Variants in CACNA2D3 observed in about 807,000 individuals in gnomAD.
CACNA2D3 encodes the protein calcium voltage-gated channel auxiliary subunit alpha2delta 3.
Under a neutral mutation model 160.6 loss-of-function variants are expected in CACNA2D3, and 60 were observed. That is an observed-to-expected ratio of 0.37 (90% CI 0.30 to 0.46). The LOEUF is 0.46. Among genes scored for constraint, CACNA2D3 ranks in the 20% least tolerant of loss-of-function variants. The pLI, the probability that CACNA2D3 is intolerant of heterozygous loss-of-function variation, is 1.00. For synonymous variants in CACNA2D3, 558 were observed against 492.9 expected (o/e 1.13, Z -1.75); for missense variants, 1,205 against 1,365.0 (o/e 0.88, Z 1.85).
intron 2 of CACNA2D3, among the ~76,000 whole-genome samples, chr3:54,271,231 T>C (rs1350452430): frequency 6.6e-6 from 1 of 152,132 alleles, no homozygotes; most frequent in African/African-American, 2.4e-5. Flanking sequence ...ATACTGTTTT[T>C]CTTTTCTTTT....
At chr3:55,006,117 C>T (rs755262826) in intron 32 of CACNA2D3, among the ~76,000 whole-genome samples, 1 of 152,220 alleles carries the variant, frequency 6.6e-6, no homozygotes, top group Non-Finnish European at 1.5e-5. Context: ...ACTCCCCTAA[C>T]CTTAGCATGA....
chr3:54,554,991 C>T (rs1702221252), intron 5 of CACNA2D3, among the ~76,000 whole-genome samples: 1 of 148,308 alleles, frequency 6.7e-6, no homozygotes, highest in South Asian at 2.2e-4. Context: ...CCTTTCACCT[C>T]GGCTTCTTGA....
chr3:54,713,491 A>C (rs1425529787), intron 11 of CACNA2D3, among the ~76,000 whole-genome samples: 1 of 152,230 alleles, frequency 6.6e-6, no homozygotes, highest in African/African-American at 2.4e-5. Flanking sequence ...CCTGTGTAAG[A>C]GAAGGAGTGC....
intron 3 of CACNA2D3, among the ~76,000 whole-genome samples, chr3:54,326,667 G>A (rs1203625784): frequency 1.3e-5 from 2 of 152,208 alleles, no homozygotes; most frequent in Non-Finnish European, 2.9e-5. Flanking sequence ...TACATGTTAA[G>A]TCCAAAATGT....
At chr3:54,245,620 A>G (rs1248291697) in intron 2 of CACNA2D3, among the ~76,000 whole-genome samples, 1 of 152,206 alleles carries the variant, frequency 6.6e-6, no homozygotes, top group Non-Finnish European at 1.5e-5. Flanking sequence ...GGCCATTGAC[A>G]TAGTGCAGTT....
chr3:54,843,758 A>T (rs183398108), intron 16 of CACNA2D3, among the ~76,000 whole-genome samples: 1 of 152,226 alleles, frequency 6.6e-6, no homozygotes, highest in Non-Finnish European at 1.5e-5. Context: ...GTAGTGGTAC[A>T]GTTGGGTAGC....
intron 4 of CACNA2D3, among the ~76,000 whole-genome samples, chr3:54,499,449 T>C (rs1701253032): frequency 6.6e-6 from 1 of 152,172 alleles, no homozygotes; most frequent in African/African-American, 2.4e-5. Flanking sequence ...TTCTGCTTAC[T>C]TTAGATTTAA....
intron 2 of CACNA2D3, among the ~76,000 whole-genome samples, chr3:54,232,118 T>A (rs61412165): frequency 0.43 from 65,407 of 152,146 alleles, 15,435 homozygotes; most frequent in Middle Eastern, 0.57. Context: ...ATATATATGA[T>A]ACACAGGTGT....
chr3:54,856,215 CAAT>C (rs1403540493), intron 17 of CACNA2D3, among the ~76,000 whole-genome samples: 2 of 151,796 alleles, frequency 1.3e-5, no homozygotes, highest in East Asian at 3.9e-4. Context: ...CACAATGAAA[CAAT>C]ATGTTATCAA....
intron 30 of CACNA2D3, among the ~76,000 whole-genome samples, chr3:54,986,932 A>G (rs1199700246): frequency 6.6e-6 from 1 of 152,352 alleles, no homozygotes; most frequent in East Asian, 1.9e-4. Context: ...GGCATGCATG[A>G]GGATGTTAAT....
chr3:54,390,966 A>G (rs1187225424), intron 4 of CACNA2D3, among the ~76,000 whole-genome samples: 1 of 151,982 alleles, frequency 6.6e-6, no homozygotes, highest in Non-Finnish European at 1.5e-5. Flanking sequence ...CTATTAGCTC[A>G]GGAGGAGTAC....
intron 13 of CACNA2D3, among the ~76,000 whole-genome samples, chr3:54,767,350 G>T (rs535874112): frequency 6.5e-4 from 99 of 152,218 alleles, no homozygotes; most frequent in African/African-American, 2.2e-3. Flanking sequence ...ATCTAGGGAG[G>T]AAAAGAGAAC....
intron 3 of CACNA2D3, among the ~76,000 whole-genome samples, chr3:54,361,016 G>A (rs1698732682): frequency 6.6e-6 from 1 of 151,876 alleles, no homozygotes; most frequent in Admixed American, 6.6e-5. Flanking sequence ...CCTTAAGAAT[G>A]GTTAATATTT....
chr3:54,565,242 C>T (rs1426232441), intron 6 of CACNA2D3, among the ~76,000 whole-genome samples: 1 of 152,146 alleles, frequency 6.6e-6, no homozygotes, highest in Non-Finnish European at 1.5e-5. Flanking sequence ...GCATCAGTGA[C>T]CACCATGGGG....
At chr3:54,792,698 T>C (rs927855175) in intron 13 of CACNA2D3, among the ~76,000 whole-genome samples, 11 of 152,252 alleles carry the variant, frequency 7.2e-5, no homozygotes, top group Middle Eastern at 3.4e-3. Flanking sequence ...CGTTTCCTCA[T>C]GGTTCCAGCT....
At chr3:54,548,563 G>A (rs924408609) in intron 5 of CACNA2D3, among the ~76,000 whole-genome samples, 4 of 152,064 alleles carry the variant, frequency 2.6e-5, no homozygotes, top group African/African-American at 7.2e-5. Flanking sequence ...ACCAGACCTG[G>A]CCATTCTGAT....
intron 5 of CACNA2D3, among the ~76,000 whole-genome samples, chr3:54,516,888 G>A (rs1701560351): frequency 6.6e-6 from 1 of 152,170 alleles, no homozygotes; most frequent in Non-Finnish European, 1.5e-5. Context: ...CAGATGAAGA[G>A]GTGATGAAGG....
intron 10 of CACNA2D3, among the ~76,000 whole-genome samples, chr3:54,634,861 C>A (rs1223400932): frequency 5.3e-5 from 8 of 152,254 alleles, no homozygotes; most frequent in African/African-American, 1.9e-4. Flanking sequence ...TCTTTAGTTA[C>A]TTCAGGCCAT....
chr3:54,824,715 G>A (rs1703714770), intron 14 of CACNA2D3, among the ~76,000 whole-genome samples: 1 of 152,048 alleles, frequency 6.6e-6, no homozygotes, highest in African/African-American at 2.4e-5. Context: ...GTCCCTTATG[G>A]GATTTTCCTG....
Sources: gnomAD v4.1 joint callset for allele counts (sites outside exome capture counted in the v4.1 genomes callset) on GRCh38, gnomAD v4.1.1 for gene constraint, MANE v1.5 for transcripts, NCBI Gene and HGNC (gene_info 2026-07-23, HGNC 2026-07-21) for gene names.